Variants in PCDHA4 observed in about 807,000 individuals in gnomAD.
PCDHA4 encodes protocadherin alpha 4.
Under a neutral mutation model 61.4 loss-of-function variants are expected in PCDHA4, and 49 were observed. The observed-to-expected ratio is 0.80, with a 90% confidence interval of 0.63 to 1.01. The LOEUF is 1.01. Ranked by LOEUF, PCDHA4 falls within the 50% of genes least tolerant of loss-of-function variation. The pLI, the probability that PCDHA4 is intolerant of heterozygous loss-of-function variation, is 0.00. For missense variants in PCDHA4, 1,254 were observed against 1,235.8 expected (o/e 1.01, Z -0.22); for synonymous variants, 590 against 550.3 (o/e 1.07, Z -1.01).
intron 1 of PCDHA4, chr5:140,836,100 A>T (rs782621778): frequency 6.2e-7 from 1 of 1,613,700 alleles, no homozygotes; most frequent in Non-Finnish European, 8.5e-7. Flanking sequence ...GGTGGGTGGC[A>T]CTGGTGGCGC....
chr5:140,952,724 C>T (rs1481919445), intron 1 of PCDHA4, among the ~76,000 whole-genome samples: 1 of 152,100 alleles, frequency 6.6e-6, no homozygotes, highest in African/African-American at 2.4e-5. Flanking sequence ...ATTTTCTGTA[C>T]TAGTCTTTTC....
intron 1 of PCDHA4, chr5:140,849,742 A>G: frequency 6.3e-7 from 1 of 1,598,398 alleles, no homozygotes; most frequent in South Asian, 1.1e-5. Context: ...CTGGACCGCG[A>G]GAGTGTGTCC....
At chr5:140,817,928 G>A (rs1216034362) in intron 1 of PCDHA4, among the ~76,000 whole-genome samples, 1 of 152,154 alleles carries the variant, frequency 6.6e-6, no homozygotes, top group Non-Finnish European at 1.5e-5. Flanking sequence ...CTTTTGAGAT[G>A]ATGGCTGTCA....
intron 1 of PCDHA4, among the ~76,000 whole-genome samples, chr5:140,833,457 A>G (rs1304968349): frequency 2.0e-5 from 3 of 152,216 alleles, no homozygotes; most frequent in East Asian, 3.8e-4. Context: ...AATAAAATAA[A>G]CTTACATTTT....
chr5:140,835,847 G>A (rs140727991), intron 1 of PCDHA4: 20 of 1,612,228 alleles, frequency 1.2e-5, no homozygotes, highest in Non-Finnish European at 1.7e-5. Flanking sequence ...AGAAGAACGC[G>A]CTGGTGTCCT....
intron 1 of PCDHA4, among the ~76,000 whole-genome samples, chr5:140,832,446 A>G (rs2150201698): frequency 1.3e-5 from 2 of 152,202 alleles, no homozygotes; most frequent in Non-Finnish European, 2.9e-5. Flanking sequence ...TAAGCGTGTA[A>G]TTAATATTGC....
intron 1 of PCDHA4, among the ~76,000 whole-genome samples, chr5:140,974,549 T>C (rs373257165): frequency 6.6e-6 from 1 of 152,216 alleles, no homozygotes; most frequent in African/African-American, 2.4e-5. Context: ...TTTGCTCTTG[T>C]TGCCCAGGCT....
At chr5:140,811,939 A>G (rs1315208542) in intron 1 of PCDHA4, 1 of 152,012 alleles carries the variant, frequency 6.6e-6, no homozygotes, top group Non-Finnish European at 1.5e-5. Context: ...ATTTTCTCCC[A>G]TTCTGTAGGT....
intron 1 of PCDHA4, chr5:140,824,167 T>G: frequency 6.2e-7 from 1 of 1,610,732 alleles, no homozygotes; most frequent in Non-Finnish European, 8.5e-7. Flanking sequence ...TCCCTCCCAA[T>G]TTTCAAATAT....
In PCDHA4 at chr5:140,835,338, C is replaced by T. The variant is rs2150234126; in HGVS notation, c.2385+25766C>T. The T allele has an allele frequency of 1.4e-5, 22 of 1,613,678 alleles. No individual in the cohort carries two copies. The South Asian group carries it at 2.2e-4, about 16-fold the overall frequency. ...TGAAGAAAGTAGAGCACACAAGATCCCAGTCGAGGCTGTCGATAAAGGCTT... is the reference window on the plus strand; with the variant it reads ...TGAAGAAAGTAGAGCACACAAGATCTCAGTCGAGGCTGTCGATAAAGGCTT... On this transcript the variant is annotated intron_variant, in intron 1 of 3. Transcript: ENST00000530339.
chr5:140,843,736 A>T (rs1779068159), intron 1 of PCDHA4: 1 of 1,547,354 alleles, frequency 6.5e-7, no homozygotes, highest in African/African-American at 1.4e-5. Context: ...TTAAATTTAG[A>T]ACTCATAAAT....
intron 1 of PCDHA4, among the ~76,000 whole-genome samples, chr5:140,934,826 A>C (rs556197038): frequency 1.1e-4 from 17 of 152,294 alleles, no homozygotes; most frequent in South Asian, 1.0e-3. Context: ...TAACTTTGGC[A>C]AGTTGGGAAC....
chr5:140,850,833 G>A, intron 1 of PCDHA4: 1 of 1,598,078 alleles, frequency 6.3e-7, no homozygotes, highest in Non-Finnish European at 8.6e-7. Flanking sequence ...TTCTCCTTGT[G>A]CTGGATCTAC....
At chr5:140,877,575 C>G (rs1244471489) in intron 1 of PCDHA4, 1 of 1,613,708 alleles carries the variant, frequency 6.2e-7, no homozygotes, top group East Asian at 2.2e-5. Context: ...TGTACCTCAT[C>G]ATCGCCATCT....
intron 1 of PCDHA4, chr5:140,883,589 G>C (rs782300348): frequency 6.2e-7 from 1 of 1,614,014 alleles, no homozygotes; most frequent in Non-Finnish European, 8.5e-7. Context: ...CACGGCCAGC[G>C]TGTCGGTGGG....
chr5:140,850,436 A>G (rs2150484342), intron 1 of PCDHA4: 1 of 1,597,612 alleles, frequency 6.3e-7, no homozygotes, highest in Admixed American at 1.7e-5. Context: ...GCCAGCGCCT[A>G]CTGGTGCTGG....
At chr5:140,919,643 C>CTA (rs1244015726) in intron 1 of PCDHA4, among the ~76,000 whole-genome samples, 7 of 152,192 alleles carry the variant, frequency 4.6e-5, no homozygotes, top group Non-Finnish European at 8.8e-5. Flanking sequence ...AGTAGTTTCT[C>CTA]TAGAGTTTAC....
chr5:140,836,639 G>T, intron 1 of PCDHA4: 1 of 1,613,412 alleles, frequency 6.2e-7, no homozygotes, highest in Middle Eastern at 1.6e-4. Context: ...CATTCTCCCA[G>T]CAGAGGCGGC....
chr5:140,830,166 C>A, intron 1 of PCDHA4: 1 of 1,613,518 alleles, frequency 6.2e-7, no homozygotes, highest in Non-Finnish European at 8.5e-7. Context: ...CCAGAGGCGG[C>A]GCTGGTGGAT....
Sources: gnomAD v4.1 joint callset for allele counts (sites outside exome capture counted in the v4.1 genomes callset) on GRCh38, gnomAD v4.1.1 for gene constraint, MANE v1.5 for transcripts, NCBI Gene and HGNC (gene_info 2026-07-23, HGNC 2026-07-21) for gene names.